GATA3: variants seen among roughly 807,000 people sequenced by gnomAD.
The protein encoded by GATA3 is trans-acting T-cell-specific transcription factor GATA-3.
A neutral mutation model predicts 36.0 loss-of-function variants in GATA3; 6 were observed. The observed-to-expected ratio is 0.17, with a 90% CI of 0.09 to 0.33. GATA3 has a LOEUF of 0.33. Ranked by LOEUF, GATA3 falls within the 10% of genes least tolerant of loss-of-function variation. GATA3 has a pLI of 1.00. For missense variants in GATA3, 514 were observed against 610.1 expected (o/e 0.84, Z 1.66); for synonymous variants, 326 against 273.0 (o/e 1.19, Z -1.92).
intron 4 of GATA3, among the ~76,000 whole-genome samples, chr10:8,067,037 A>G (rs1177063208): frequency 1.2e-5 from 1 of 86,136 alleles, no homozygotes; most frequent in African/African-American, 4.8e-5. Flanking sequence ...TAGCTCTTCT[A>G]AAAAAAAAAA....
In GATA3 at chr10:8,055,189, G is replaced by A. The variant is rs1832604429; in HGVS notation, c.-369-98G>A. On this transcript the variant is annotated intron_variant, in intron 1 of 5. Transcript: ENST00000379328. This position sits in a 1 kb window ranked among gnomAD's most constrained non-coding sequence, Gnocchi z 5.4. ...GGCCGTGTCCCCGCGCTCCCGTGCG[G>A]GTCTCGGGTGCGCTGGGCGGGCGGG... The A allele has an allele frequency of 1.2e-5, 3 of 256,814 alleles. No homozygotes were observed. Among genetic ancestry groups the A allele is most frequent in the Non-Finnish European group, 2.2e-5 (3 of 133,986 alleles). 15.9% of individuals were successfully genotyped at this position (256,814 alleles called of 1,614,324 possible). A position where few individuals can be genotyped will look rare whatever the true frequency, so the allele number is the denominator to read the frequency against.
In GATA3 at chr10:8,055,560, C is replaced by T. The variant is rs561128550; in HGVS notation, c.-96C>T. On this transcript the variant is annotated 5_prime_UTR_variant, in exon 2 of 6. Transcript: ENST00000379328. This position sits in a 1 kb window ranked among gnomAD's most constrained non-coding sequence, Gnocchi z 5.4. ...AATCATTCAACGACCCCCGACCCTC[C>T]GACGGCAGGAGCCCCCCGACCTCCC... is the stretch of plus-strand genomic sequence containing the variant. The T allele has an allele frequency of 4.9e-6, 7 of 1,437,900 alleles. No homozygotes were observed. The highest frequency in any genetic ancestry group is 2.1e-5 in the Admixed American group (1 of 46,536). The allele number at this position is 1,437,900 out of a possible 1,614,324, so 89.1% of individuals were successfully genotyped here.
chr10:8,065,805 A>G (rs1832829317), intron 4 of GATA3, among the ~76,000 whole-genome samples: 1 of 145,218 alleles, frequency 6.9e-6, no homozygotes, highest in African/African-American at 2.6e-5. Flanking sequence ...CATAAACAAC[A>G]ACTCAGCTTC....
intron 3 of GATA3, among the ~76,000 whole-genome samples, chr10:8,060,035 C>A (rs181695489): frequency 6.6e-6 from 1 of 152,302 alleles, no homozygotes; most frequent in East Asian, 1.9e-4. Context: ...GCTCCCAAAG[C>A]TCCGGTTTGA....
chr10:8,051,273 C>T (rs887561066), upstream of GATA3: 4 of 324,914 alleles, frequency 1.2e-5, no homozygotes, highest in South Asian at 2.5e-5. Flanking sequence ...GACACACATA[C>T]CCCGCTCAAC....
chr10:8,072,424 CATGGCCAGAT>C (rs1439370269), intron 5 of GATA3, among the ~76,000 whole-genome samples: 2 of 152,216 alleles, frequency 1.3e-5, no homozygotes, highest in East Asian at 3.9e-4. Flanking sequence ...CCCCTGGGAA[CATGGCCAGAT>C]GTGGAGTTTG....
chr10:8,053,713 G>C (rs1832559805), upstream of GATA3: 1 of 152,442 alleles, frequency 6.6e-6, no homozygotes, highest in East Asian at 1.9e-4. This position sits in a 1 kb window ranked among gnomAD's most constrained non-coding sequence, Gnocchi z 5.1. Context: ...ACCAGAGGCC[G>C]GGGTTGGGGT....
At chr10:8,047,617 G>T (rs549989739) in intron 1 of GATA3, among the ~76,000 whole-genome samples, 2 of 152,250 alleles carry the variant, frequency 1.3e-5, no homozygotes, top group Non-Finnish European at 2.9e-5. Context: ...GGGTGCAGAG[G>T]TGGGTGCGGC....
chr10:8,058,877 C>T (rs1264757005), intron 3 of GATA3, 36 bp downstream of exon 3: 4 of 1,586,526 alleles, frequency 2.5e-6, no homozygotes, highest in Non-Finnish European at 3.4e-6. Flanking sequence ...CTTTTCTCCT[C>T]CCTCCTCCCC....
intron 3 of GATA3, among the ~76,000 whole-genome samples, chr10:8,061,533 A>G (rs1329691191): frequency 6.6e-6 from 1 of 152,210 alleles, no homozygotes; most frequent in Non-Finnish European, 1.5e-5. Flanking sequence ...AGGGGAGGAA[A>G]GAAGGCAGGA....
chr10:8,047,806 G>A (rs1265638332), intron 1 of GATA3, among the ~76,000 whole-genome samples: 1 of 152,232 alleles, frequency 6.6e-6, no homozygotes, highest in Non-Finnish European at 1.5e-5. Context: ...GCTGCCCGGA[G>A]GGAGGGGCTG....
At chr10:8,054,431 A>G (rs1259332984), upstream of GATA3, among the ~76,000 whole-genome samples, 1 of 152,090 alleles carries the variant, frequency 6.6e-6, no homozygotes, top group African/African-American at 2.4e-5. The surrounding 1 kb of genome is among the most constrained non-coding windows in gnomAD (Gnocchi z 4.2). Context: ...TCCGCCCCCA[A>G]GCCCCGCGGG....
In GATA3 at chr10:8,058,854, T is replaced by A; in HGVS notation, c.778+13T>A. 6.2e-7 allele frequency: 1 copy of A among 1,600,758 alleles called. No individual in the cohort carries two copies. The highest frequency in any genetic ancestry group is 8.5e-7 in the Non-Finnish European group (1 of 1,179,698). The stretch of plus-strand genomic sequence containing the variant: ...CGGTCCAGCACAGGTAGGAGCCAGC[T>A]CTTCCCTGGAGCCTTTTCTCCTCCC... On this transcript the variant is annotated intron_variant, in intron 3 of 5. Transcript: ENST00000379328.
At chr10:8,070,019 G>A (rs1832905828) in intron 5 of GATA3, among the ~76,000 whole-genome samples, 1 of 152,240 alleles carries the variant, frequency 6.6e-6, no homozygotes, top group Admixed American at 6.5e-5. Flanking sequence ...ATGTGTGGCA[G>A]GGGGTCTGGA....
rs2131522790 is a variant in GATA3, at chr10:8,073,978, C to A, written c.1290C>A (p.Ser430=). The A allele has an allele frequency of 1.2e-6, 2 of 1,614,166 alleles. No homozygotes were observed. ...PTPMHPPSSL[S]FGPHHPSSMV... ...CGATGCACCCGCCATCCAGCCTGTC[C>A]TTTGGACCACACCACCCCTCCAGCA... The change falls in exon 6 of 6, where the codon TCC becomes TCA. Residue 430 remains serine (S), a synonymous_variant. Coordinates refer to ENST00000379328, the MANE Select transcript of GATA3 (RefSeq NM_001002295.2).
upstream of GATA3, chr10:8,050,770 C>A (rs1310957090): frequency 1.3e-5 from 4 of 315,034 alleles, no homozygotes. Context: ...ATTTCGCGCG[C>A]GCTCTGCTTG....
At chr10:8,050,084 A>T (rs745549340), upstream of GATA3, among the ~76,000 whole-genome samples, 3 of 152,116 alleles carry the variant, frequency 2.0e-5, no homozygotes, top group Non-Finnish European at 4.4e-5. Context: ...GCCCTTTACA[A>T]TTCCCACACC....
intron 1 of GATA3, among the ~76,000 whole-genome samples, chr10:8,047,983 G>T (rs1377897521): frequency 4.6e-5 from 7 of 151,954 alleles, no homozygotes; most frequent in Non-Finnish European, 1.0e-4. Context: ...TTAAAAGCGC[G>T]CCTCTACTGT....
rs1564403605 is a variant in GATA3, at chr10:8,069,477, C to G, written c.929C>G (p.Ala310Gly). The G allele has an allele frequency of 1.2e-6, 2 of 1,613,598 alleles. No individual in the cohort carries two copies. Among genetic ancestry groups the G allele is most frequent in the Admixed American group, 3.3e-5 (2 of 59,966 alleles). Residue 310 changes from alanine to glycine, a missense_variant, in exon 5 of 6, where the codon GCA (alanine) becomes GGA (glycine). Ala to Gly is a moderately conservative substitution (Grantham distance 60). Coordinates refer to ENST00000379328, the MANE Select transcript of GATA3 (RefSeq NM_001002295.2). ...CTCCTCTCTCCCCACTCTCAGTCTG[C>G]AGCCAGGAGAGCAGGGACGTCCTGT... ...PLIKPKRRLSAARRAGTSCAN... is the reference protein window; with the variant it reads ...PLIKPKRRLSGARRAGTSCAN...
Sources: gnomAD v4.1 joint callset for allele counts (sites outside exome capture counted in the v4.1 genomes callset) on GRCh38, gnomAD v4.1.1 for gene constraint, Gnocchi (gnomAD v3.1) non-coding constraint, MANE v1.5 for transcripts, NCBI Gene and HGNC (gene_info 2026-07-23, HGNC 2026-07-21) for gene names.